Variants in KLHL5 observed in about 807,000 individuals in gnomAD.
The protein encoded by KLHL5 is kelch like family member 5, also known as kelch-like protein 5.
A neutral mutation model predicts 77.7 loss-of-function variants in KLHL5; 48 were observed. The ratio of observed to expected loss-of-function variants is 0.62; its 90% CI spans 0.49 to 0.79. KLHL5 has a LOEUF of 0.79. Ranked by LOEUF, KLHL5 falls within the 30% of genes least tolerant of loss-of-function variation. KLHL5 has a pLI of 0.00. For missense variants in KLHL5, 723 were observed against 859.7 expected, an observed-to-expected ratio of 0.84 and a Z score of 1.99; for synonymous variants, 260 against 297.0, an observed-to-expected ratio of 0.88 and a Z score of 1.28.
intron 2 of KLHL5, among the ~76,000 whole-genome samples, chr4:39,077,694 T>TAA (rs60744492): frequency 5.2e-4 from 67 of 128,612 alleles, no homozygotes; most frequent in African/African-American, 1.9e-3. Context: ...GAACTAAAGG[T>TAA]AAAAAAAAAA....
chr4:39,096,593 A>T (rs1484111362), intron 5 of KLHL5, 99 bp from the exon 6 acceptor site: 6 of 798,532 alleles, frequency 7.5e-6, no homozygotes, highest in East Asian at 2.7e-5. Context: ...TGAATTTTTT[A>T]AAAATATGTA....
the KLHL5 span, among the ~76,000 whole-genome samples, chr4:39,132,871 T>C: frequency 1.3e-5 from 2 of 149,236 alleles, no homozygotes; most frequent in Non-Finnish European, 2.9e-5. Context: ...AAAGACTTTC[T>C]TCTCTAATTC....
At chr4:39,129,998 A>G (rs1323049062), downstream of KLHL5, among the ~76,000 whole-genome samples, 2 of 152,118 alleles carry the variant, frequency 1.3e-5, no homozygotes, top group African/African-American at 2.4e-5. This position sits in a 1 kb window ranked among gnomAD's most constrained non-coding sequence, Gnocchi z 4.2. Context: ...CTTGAACTAC[A>G]ATCCAGTGAT....
intron 2 of KLHL5, 128 bp downstream of exon 2, chr4:39,076,275 C>A: frequency 1.3e-6 from 1 of 766,870 alleles, no homozygotes. Context: ...GAATTTCCAT[C>A]AAGAAAACGG....
In KLHL5 at chr4:39,122,696, C is replaced by T. The variant is rs1723283577; in HGVS notation, c.*1630C>T. Reference sequence around the variant, plus strand: ...GGCGTGGTGGCGGGTGCCTGTACGCCCAGCTACTCGGGAGGCTGAGGCGGG... The same window carrying T: ...GGCGTGGTGGCGGGTGCCTGTACGCTCAGCTACTCGGGAGGCTGAGGCGGG... On this transcript the variant is annotated 3_prime_UTR_variant, in exon 11 of 11. Transcript: ENST00000504108. 6.6e-6 allele frequency among the ~76,000 whole-genome samples: 1 copy of T among 151,902 alleles called. No homozygotes were observed. Among genetic ancestry groups the T allele is most frequent in the Admixed American group, 6.6e-5 (1 of 15,236 alleles).
intron 1 of KLHL5, among the ~76,000 whole-genome samples, chr4:39,050,469 A>C (rs1353020523): frequency 6.6e-6 from 1 of 152,194 alleles, no homozygotes; most frequent in Non-Finnish European, 1.5e-5. Flanking sequence ...ATTTCTTGCT[A>C]GTGTCTCTCT....
In KLHL5 at chr4:39,076,094, A is replaced by G; in HGVS notation, c.513A>G (p.Lys171=). 1.2e-6 allele frequency: 2 copies of G among 1,608,312 alleles called. No individual in the cohort carries two copies. The highest frequency in any genetic ancestry group is 1.7e-5 in the Admixed American group (1 of 58,526). The change falls in exon 2 of 11, where the codon AAA becomes AAG. Residue 171 remains lysine, a synonymous_variant. Coordinates refer to ENST00000504108, the MANE Select transcript of KLHL5 (RefSeq NM_015990.5). ...AAATGGAAAACTATTTGAGACATAAACAGTTGTGTGATGTAATTTTAGTCG... is the reference window on the plus strand; with the variant it reads ...AAATGGAAAACTATTTGAGACATAAGCAGTTGTGTGATGTAATTTTAGTCG... ...FKKMENYLRH[K]QLCDVILVAG... is the part of the protein sequence containing the mutation.
chr4:39,087,404 A>G (rs917295794), intron 5 of KLHL5, among the ~76,000 whole-genome samples: 4 of 152,214 alleles, frequency 2.6e-5, no homozygotes, highest in African/African-American at 7.2e-5. Flanking sequence ...CTGGTGATAT[A>G]TAGATTAACA....
intron 5 of KLHL5, among the ~76,000 whole-genome samples, chr4:39,091,438 A>G (rs185391989): frequency 2.7e-5 from 4 of 145,556 alleles, no homozygotes; most frequent in East Asian, 4.1e-4. Flanking sequence ...AAACATTTCA[A>G]TTTGATCAAA....
At chr4:39,111,420 A>G (rs998521559) in intron 8 of KLHL5, among the ~76,000 whole-genome samples, 7 of 152,220 alleles carry the variant, frequency 4.6e-5, no homozygotes, top group Non-Finnish European at 1.0e-4. Flanking sequence ...TCATTGTACT[A>G]TGCCATTCTT....
chr4:39,126,872 T>A, downstream of KLHL5: 1 of 394,672 alleles, frequency 2.5e-6, no homozygotes, highest in South Asian at 1.9e-5. Flanking sequence ...GTAACTAGAA[T>A]TTTTATACAT....
chr4:39,090,282 A>C lies in KLHL5; in HGVS notation c.1113+3555A>C, dbSNP rs559593038. Among the ~76,000 whole-genome samples the C allele has an allele frequency of 2.8e-4, 42 of 152,234 alleles. 1 individual carries two copies. In the East Asian group the frequency reaches 7.9e-3, roughly 29 times the overall value. Reference sequence around the variant, plus strand: ...TTTCCAATGATACCAACTAAATGAGATTTTATTCTACTCTGTTAATATGAA... The same window carrying C: ...TTTCCAATGATACCAACTAAATGAGCTTTTATTCTACTCTGTTAATATGAA... On this transcript the variant is annotated intron_variant, in intron 5 of 10. Transcript: ENST00000504108.
At chr4:39,078,473 T>C (rs1201703060) in intron 2 of KLHL5, among the ~76,000 whole-genome samples, 1 of 151,634 alleles carries the variant, frequency 6.6e-6, no homozygotes, top group Non-Finnish European at 1.5e-5. Context: ...GGTGGGTGGA[T>C]CACTTGAGGC....
rs377139712 is a variant in KLHL5 at position 39,081,286 on chromosome 4, T to C, written c.703+47T>C. On this transcript the variant is annotated intron_variant, in intron 3 of 10. Transcript: ENST00000504108. This position sits in a 1 kb window ranked among gnomAD's most constrained non-coding sequence, Gnocchi z 4.3. Reference sequence around the variant, plus strand: ...ATTAAAACCTCTTAGATTTATGTTGTATTATTAGATTTCAGATTTCTGTTT... The same window carrying C: ...ATTAAAACCTCTTAGATTTATGTTGCATTATTAGATTTCAGATTTCTGTTT... 184 of 1,474,228 alleles carry C rather than the reference T, an allele frequency of 1.2e-4. No homozygotes were observed. Among genetic ancestry groups the C allele is most frequent in the Non-Finnish European group, 1.6e-4 (178 of 1,096,744 alleles). 91.3% of individuals were successfully genotyped at this position (1,474,228 alleles called of 1,614,324 possible).
At chr4:39,047,562 G>A (rs1284129023) in intron 1 of KLHL5, among the ~76,000 whole-genome samples, 3 of 152,168 alleles carry the variant, frequency 2.0e-5, no homozygotes, top group Non-Finnish European at 2.9e-5. Flanking sequence ...TCTAAAAGTC[G>A]GCATTTTAAC....
At chr4:39,113,960 G>A (rs1168635118) in intron 9 of KLHL5, among the ~76,000 whole-genome samples, 1 of 152,150 alleles carries the variant, frequency 6.6e-6, no homozygotes, top group Admixed American at 6.6e-5. Flanking sequence ...GAGTGCCCAT[G>A]TGTGACAGAG....
intron 10 of KLHL5, among the ~76,000 whole-genome samples, chr4:39,118,209 C>T (rs1466784581): frequency 6.6e-6 from 1 of 152,092 alleles, no homozygotes; most frequent in Non-Finnish European, 1.5e-5. Context: ...ATTTAATCTT[C>T]AACAACCCTA....
At chr4:39,047,956 C>G (rs1395644554) in intron 1 of KLHL5, among the ~76,000 whole-genome samples, 1 of 152,122 alleles carries the variant, frequency 6.6e-6, no homozygotes, top group Non-Finnish European at 1.5e-5. Context: ...TGATGAACCT[C>G]CCTGAATCTA....
intron 6 of KLHL5, among the ~76,000 whole-genome samples, chr4:39,101,281 A>G (rs1434140271): frequency 6.6e-6 from 1 of 151,640 alleles, no homozygotes; most frequent in African/African-American, 2.4e-5. Context: ...AAAGAAAAGT[A>G]TTCCCTAAAT....
Sources: allele counts gnomAD v4.1 joint callset (sites outside exome capture counted in the v4.1 genomes callset), GRCh38; gene constraint gnomAD v4.1.1; non-coding constraint Gnocchi (gnomAD v3.1); transcripts MANE v1.5; gene names NCBI Gene and HGNC (gene_info 2026-07-23, HGNC 2026-07-21).